MYO10: variants seen among roughly 807,000 people sequenced by gnomAD.
The protein encoded by MYO10 is unconventional myosin-X.
Under a neutral mutation model 257.3 loss-of-function variants are expected in MYO10, and 133 were observed. The ratio of observed to expected loss-of-function variants is 0.52; its 90% CI spans 0.45 to 0.60. MYO10 has a LOEUF of 0.60. Ranked by LOEUF, MYO10 falls within the 20% of genes least tolerant of loss-of-function variation. The pLI, the probability that MYO10 is intolerant of heterozygous loss-of-function variation, is 0.00. For missense variants in MYO10, 2,399 were observed against 2,635.7 expected (o/e 0.91, Z 1.97); for synonymous variants, 1,104 against 1,028.6 (o/e 1.07, Z -1.40).
At chr5:16,904,093 G>A (rs539998800) in intron 1 of MYO10, among the ~76,000 whole-genome samples, 4 of 145,958 alleles carry the variant, frequency 2.7e-5, no homozygotes, top group African/African-American at 1.1e-4. Flanking sequence ...AGGGGCTGAA[G>A]GTTGACCAGT....
Position 16,935,814 on chromosome 5 carries a change from C to G in MYO10, c.-6G>C, listed in dbSNP as rs142469364. 9.8e-4 allele frequency: 1,588 copies of G among 1,613,176 alleles called. 15 individuals are homozygous for G. In the African/African-American group the frequency reaches 0.018, roughly 18 times the overall value. ...TCGGTGAAGAAGTTATCCATTGTTC[C>G]AGCGCAGTCCCGGACTCGCCGAGTG... On this transcript the variant is annotated 5_prime_UTR_variant, in exon 1 of 41. Transcript: ENST00000513610.
intron 1 of MYO10, among the ~76,000 whole-genome samples, chr5:16,884,365 A>G (rs1354142409): frequency 6.6e-6 from 1 of 152,208 alleles, no homozygotes; most frequent in African/African-American, 2.4e-5. Context: ...ACCTCACTCC[A>G]GCCTGGGAGA....
Position 16,911,646 on chromosome 5 carries a change from C to T in MYO10, c.21+24142G>A, listed in dbSNP as rs554183267. On this transcript the variant is annotated intron_variant, in intron 1 of 40. Coordinates refer to ENST00000513610, the MANE Select transcript of MYO10 (RefSeq NM_012334.3). ...ACTTGGGTAACTGAGGCAGGAGGAT[C>T]GCTTGAACCTGGGAAATCAAGGTTG... 5.1e-4 allele frequency among the ~76,000 whole-genome samples: 77 copies of T among 152,046 alleles called. 1 individual carries two copies. Among genetic ancestry groups the T allele is most frequent in the South Asian group, 1.3e-3 (6 of 4,790 alleles).
chr5:16,786,195 C>G (rs951377935), intron 4 of MYO10, among the ~76,000 whole-genome samples: 1 of 152,144 alleles, frequency 6.6e-6, no homozygotes, highest in African/African-American at 2.4e-5. Context: ...TCATAGCAGC[C>G]AGCCTACCTT....
intron 19 of MYO10, among the ~76,000 whole-genome samples, chr5:16,751,907 G>A (rs879770777): frequency 1.3e-5 from 2 of 152,172 alleles, no homozygotes; most frequent in South Asian, 2.1e-4. Flanking sequence ...AAATGCAAAC[G>A]TGAGGTTGAG....
chr5:16,899,221 T>C (rs1350037187), intron 1 of MYO10, among the ~76,000 whole-genome samples: 1 of 151,996 alleles, frequency 6.6e-6, no homozygotes, highest in Non-Finnish European at 1.5e-5. Flanking sequence ...TTTTCCTCAT[T>C]TTAGGAAACA....
chr5:16,911,287 C>T (rs955871993), intron 1 of MYO10, among the ~76,000 whole-genome samples: 1 of 152,224 alleles, frequency 6.6e-6, no homozygotes, highest in Non-Finnish European at 1.5e-5. Context: ...CCTAAACCAA[C>T]CCAAAGGAAA....
rs530768735 is a variant in MYO10 at position 16,852,252 on chromosome 5, A to G, written c.120+25357T>C. Among the ~76,000 whole-genome samples, 19 of 147,854 alleles carry G rather than the reference A, an allele frequency of 1.3e-4. No homozygotes were observed. The South Asian group carries it at 4.1e-3, about 32-fold the overall frequency. On this transcript the variant is annotated intron_variant, in intron 2 of 40. Coordinates refer to ENST00000513610, the MANE Select transcript of MYO10 (RefSeq NM_012334.3). ...GTACAGGCTAAAAAAAAAAAAAAAC[A>G]GGCACAAAGAAACAAAAAGTATAGA...
At chr5:16,801,325 A>G (rs1196182467) in intron 3 of MYO10, among the ~76,000 whole-genome samples, 6 of 152,148 alleles carry the variant, frequency 3.9e-5, no homozygotes, top group Non-Finnish European at 8.8e-5. Context: ...CTCCTGCCTC[A>G]GCCTCCCGAG....
At chr5:16,750,968 C>A (rs1740361886) in intron 19 of MYO10, among the ~76,000 whole-genome samples, 1 of 152,124 alleles carries the variant, frequency 6.6e-6, no homozygotes, top group African/African-American at 2.4e-5. Context: ...GCACTCCAGC[C>A]TGGGTAACAA....
At chr5:16,825,553 C>G (rs1157568242) in intron 2 of MYO10, among the ~76,000 whole-genome samples, 1 of 152,178 alleles carries the variant, frequency 6.6e-6, no homozygotes, top group African/African-American at 2.4e-5. Context: ...AGCTATGACC[C>G]TCTCAGTTGA....
rs1034917767 is a variant in MYO10 at position 16,710,644 on chromosome 5, C to A, written c.2169+264G>T. 11 of 490,554 alleles carry A rather than the reference C, an allele frequency of 2.2e-5. No individual in the cohort carries two copies. In the Admixed American group the frequency reaches 3.0e-4, roughly 13 times the overall value. The allele number at this position is 490,554 out of a possible 1,614,324, so 30.4% of individuals were successfully genotyped here. A position where few individuals can be genotyped will look rare whatever the true frequency, so the allele number is the denominator to read the frequency against. ...CTGCCAACATTTGTTACTGCCTGAA[C>A]AAATACCCACACACAAACAATTAGG... On this transcript the variant is annotated intron_variant, in intron 21 of 40. Transcript: ENST00000513610.
At chr5:16,875,268 T>C (rs1744569797) in intron 2 of MYO10, among the ~76,000 whole-genome samples, 1 of 152,160 alleles carries the variant, frequency 6.6e-6, no homozygotes, top group South Asian at 2.1e-4. Context: ...TTTCACATCA[T>C]CTTGAGAAGT....
intron 1 of MYO10, among the ~76,000 whole-genome samples, chr5:16,901,064 T>C (rs16869226): frequency 0.22 from 33,811 of 151,794 alleles, 4,944 homozygotes; most frequent in African/African-American, 0.41. Flanking sequence ...CTAACAAAAT[T>C]CCTCCGGAGC....
At chr5:16,780,253 C>A (rs1579982655) in intron 8 of MYO10, among the ~76,000 whole-genome samples, 1 of 151,880 alleles carries the variant, frequency 6.6e-6, no homozygotes, top group African/African-American at 2.4e-5. Flanking sequence ...AAAAGTGAAA[C>A]CAGCTGTAAT....
At chr5:16,909,391 C>T (rs1385795792) in intron 1 of MYO10, among the ~76,000 whole-genome samples, 1 of 151,230 alleles carries the variant, frequency 6.6e-6, no homozygotes, top group African/African-American at 2.4e-5. Flanking sequence ...CCTGTAATCC[C>T]AGAAATCAGG....
intron 2 of MYO10, among the ~76,000 whole-genome samples, chr5:16,856,899 A>G (rs1238513687): frequency 1.3e-5 from 2 of 152,250 alleles, no homozygotes; most frequent in African/African-American, 4.8e-5. Flanking sequence ...ATAAAAGACC[A>G]TATTAGAAAT....
At chr5:16,920,021 G>A (rs531877101) in intron 1 of MYO10, among the ~76,000 whole-genome samples, 1 of 152,282 alleles carries the variant, frequency 6.6e-6, no homozygotes, top group African/African-American at 2.4e-5. Flanking sequence ...TGAGGCAGGA[G>A]AATCACTTGA....
In MYO10 at chr5:16,708,349, G is replaced by C. The variant is rs141021401; in HGVS notation, c.2169+2559C>G. Among the ~76,000 whole-genome samples the C allele has an allele frequency of 6.9e-3, 1,051 of 152,278 alleles. 4 individuals carry two copies. The highest frequency in any genetic ancestry group is 0.012 in the South Asian group (60 of 4,822). ...TGTGAATATCTTATCTTCCAACACA[G>C]TAAACTGAGGACAACGCCCATGTCT... On this transcript the variant is annotated intron_variant, in intron 21 of 40. Coordinates refer to ENST00000513610, the MANE Select transcript of MYO10 (RefSeq NM_012334.3).
Sources: allele counts gnomAD v4.1 joint callset (sites outside exome capture counted in the v4.1 genomes callset), GRCh38; gene constraint gnomAD v4.1.1; transcripts MANE v1.5; gene names NCBI Gene and HGNC (gene_info 2026-07-23, HGNC 2026-07-21).